The following MAGI1 variants were observed in gnomAD, a reference collection of about 807,000 sequenced individuals.
MAGI1 encodes the protein membrane-associated guanylate kinase, WW and PDZ domain-containing protein 1.
MAGI1 carries 58 observed loss-of-function variants against 139.9 expected under a neutral mutation model. That is an observed-to-expected ratio of 0.41 (90% CI 0.34 to 0.52). The LOEUF (loss-of-function observed/expected upper bound fraction) is 0.52, where lower values mean the gene tolerates loss of function less well. Ranked by LOEUF, MAGI1 falls within the 20% of genes least tolerant of loss-of-function variation. MAGI1 has a pLI of 0.12. For missense variants in MAGI1, 1,874 were observed against 1,901.6 expected, an observed-to-expected ratio of 0.99 and a Z score of 0.27; for synonymous variants, 812 against 737.9, an observed-to-expected ratio of 1.10 and a Z score of -1.63.
At chr3:65,445,391 A>G (rs1948615135) in intron 7 of MAGI1, among the ~76,000 whole-genome samples, 2 of 152,206 alleles carry the variant, frequency 1.3e-5, no homozygotes, top group Non-Finnish European at 2.9e-5. Context: ...AAGGAATAGG[A>G]CAGATGTCTG....
intron 1 of MAGI1, among the ~76,000 whole-genome samples, chr3:65,865,567 G>A (rs1559956922): frequency 7.2e-6 from 1 of 139,128 alleles, no homozygotes. Context: ...TGCAATCCAG[G>A]CCTGGGTGAC....
chr3:65,862,731 T>TGCAGATGGCAGAGCC (rs1199003282), intron 1 of MAGI1, among the ~76,000 whole-genome samples: 2 of 152,204 alleles, frequency 1.3e-5, no homozygotes, highest in Non-Finnish European at 2.9e-5. Flanking sequence ...AACCACATGC[T>TGCAGATGGCAGAGCC]GCAGATGGCA....
intron 1 of MAGI1, among the ~76,000 whole-genome samples, chr3:65,948,137 T>C (rs967117290): frequency 2.0e-5 from 3 of 151,144 alleles, no homozygotes; most frequent in Non-Finnish European, 2.9e-5. Flanking sequence ...AGAGACGGGG[T>C]TTCACCATGT....
At chr3:65,984,513 T>TGTGTGTGTGTGTGC (rs2065770718) in intron 1 of MAGI1, among the ~76,000 whole-genome samples, 2 of 8,796 alleles carry the variant, frequency 2.3e-4, no homozygotes, top group Admixed American at 4.0e-3. Context: ...CAAAATAAAA[T>TGTGTGTGTGTGTGC]GTGTGTGTGT....
In MAGI1 at chr3:65,687,972, A is replaced by G; in HGVS notation, c.314-65884T>C. 2.5e-6 allele frequency: 2 copies of G among 799,512 alleles called. 1 individual carries two copies. The highest frequency in any genetic ancestry group is 4.8e-4 in the Middle Eastern group (2 of 4,194). 49.5% of individuals were successfully genotyped at this position (799,512 alleles called of 1,614,324 possible). The stretch of plus-strand genomic sequence containing the variant: ...CTCTCAGTTCACAGTTAAAGTTATC[A>G]TCAGACTACTGAAGGACTTGAGGGT... On this transcript the variant is annotated intron_variant, in intron 1 of 22. Coordinates refer to ENST00000402939, the MANE Select transcript of MAGI1 (RefSeq NM_001033057.2).
chr3:65,622,048 C>T lies in MAGI1; in HGVS notation c.354G>A (p.Gln118=), dbSNP rs756356569. The change falls in exon 2 of 23, where the codon CAG becomes CAA. Residue 118 remains glutamine, a synonymous_variant. Transcript: ENST00000402939. ...LNKDLRHFLN[Q]RFQKGSPDHE... is the part of the protein sequence containing the mutation. ...GATCAGGAGACCCCTTCTGGAATCG[C>T]TGATTGAGAAAATGTCGCAGGTCCT... 1 of 1,614,064 alleles carries T rather than the reference C, an allele frequency of 6.2e-7. No homozygotes were observed. Among genetic ancestry groups the T allele is most frequent in the Non-Finnish European group, 8.5e-7 (1 of 1,179,994 alleles).
Position 65,747,702 on chromosome 3 carries a change from C to G in MAGI1, c.314-125614G>C, listed in dbSNP as rs559642011. ...TGGTAACAAATGTCCCACAATAATG[C>G]AAGATGTTAAGAAGAGAAACTGCGG... On this transcript the variant is annotated intron_variant, in intron 1 of 22. Coordinates refer to ENST00000402939, the MANE Select transcript of MAGI1 (RefSeq NM_001033057.2). Among the ~76,000 whole-genome samples the G allele has an allele frequency of 2.0e-5, 3 of 152,182 alleles. 1 individual carries two copies. The highest frequency in any genetic ancestry group is 6.5e-5 in the Admixed American group (1 of 15,286).
At chr3:65,372,442 G>C (rs1453821242) in intron 18 of MAGI1, among the ~76,000 whole-genome samples, 1 of 152,166 alleles carries the variant, frequency 6.6e-6, no homozygotes. Flanking sequence ...CTAGAGCACA[G>C]GCAGAGTACA....
chr3:65,732,552 G>A (rs1415842415), intron 1 of MAGI1, among the ~76,000 whole-genome samples: 1 of 152,208 alleles, frequency 6.6e-6, no homozygotes, highest in Non-Finnish European at 1.5e-5. Context: ...CAACAGTAAA[G>A]AAGAAAGACT....
intron 2 of MAGI1, among the ~76,000 whole-genome samples, chr3:65,615,961 T>C (rs1392993310): frequency 1.3e-5 from 2 of 152,238 alleles, no homozygotes; most frequent in East Asian, 3.8e-4. Context: ...GTACACAGTT[T>C]GTGCTAAACA....
intron 14 of MAGI1, among the ~76,000 whole-genome samples, chr3:65,390,748 T>C (rs1183403249): frequency 6.6e-6 from 1 of 152,224 alleles, no homozygotes; most frequent in Non-Finnish European, 1.5e-5. Context: ...GCATTTAATT[T>C]CTTCTCATTA....
chr3:65,833,231 A>T (rs2042623020), intron 1 of MAGI1, among the ~76,000 whole-genome samples: 2 of 151,876 alleles, frequency 1.3e-5, no homozygotes, highest in African/African-American at 4.8e-5. Flanking sequence ...AGATTCTCCT[A>T]CCTAAACCTC....
At chr3:65,813,446 T>C (rs1014962491) in intron 1 of MAGI1, among the ~76,000 whole-genome samples, 1 of 152,072 alleles carries the variant, frequency 6.6e-6, no homozygotes, top group Non-Finnish European at 1.5e-5. Flanking sequence ...AAATGACCAT[T>C]AAGAAACAAA....
At chr3:65,371,237 G>A (rs1277320574) in intron 18 of MAGI1, among the ~76,000 whole-genome samples, 3 of 152,088 alleles carry the variant, frequency 2.0e-5, no homozygotes, top group Admixed American at 6.6e-5. Context: ...AGCATACCTC[G>A]GAGATATCAC....
chr3:65,734,547 AAG>A (rs1307525736), intron 1 of MAGI1, among the ~76,000 whole-genome samples: 2 of 132,074 alleles, frequency 1.5e-5, no homozygotes, highest in Admixed American at 7.6e-5. Context: ...GAGAGAGAGA[AAG>A]AGAGAAAGAA....
chr3:65,445,615 C>G (rs1948627540), intron 7 of MAGI1, among the ~76,000 whole-genome samples: 1 of 152,140 alleles, frequency 6.6e-6, no homozygotes, highest in African/African-American at 2.4e-5. Flanking sequence ...GCTCTATCTC[C>G]CCTAGTTGGT....
intron 1 of MAGI1, among the ~76,000 whole-genome samples, chr3:65,804,629 A>G (rs1281813543): frequency 6.6e-6 from 1 of 152,156 alleles, no homozygotes; most frequent in Non-Finnish European, 1.5e-5. Context: ...AGCAAGTGGC[A>G]ATGTAAACGG....
chr3:65,429,583 C>T lies in MAGI1; in HGVS notation c.2104G>A (p.Val702Met). The T allele has an allele frequency of 6.2e-7, 1 of 1,613,972 alleles. No homozygotes were observed. Among genetic ancestry groups the T allele is most frequent in the Non-Finnish European group, 8.5e-7 (1 of 1,179,910 alleles). The stretch of plus-strand genomic sequence containing the variant: ...GGACACTCAACCAGCATATCCACCA[C>T]TTGGTTGTGAGTTAGGGCCTGCACG... ...KNVQALTHNQ[V>M]VDMLVECPKG... The change falls in exon 12 of 23, where the codon GTG (valine) becomes ATG (methionine). Residue 702 changes from valine (V) to methionine (M), a missense_variant. Physicochemically the swap from Val to Met is conservative, Grantham distance 21. This residue lies in a region of MAGI1 where 482 missense variants were observed against 509.6 expected (regional missense o/e 0.95). Transcript: ENST00000402939.
chr3:65,435,148 C>T (rs1047671257), intron 10 of MAGI1, among the ~76,000 whole-genome samples: 2 of 152,072 alleles, frequency 1.3e-5, no homozygotes, highest in African/African-American at 4.8e-5. Flanking sequence ...GGTGTTTAAG[C>T]CACCTAGTCT....
Sources: allele counts gnomAD v4.1 joint callset (sites outside exome capture counted in the v4.1 genomes callset), GRCh38; gene constraint gnomAD v4.1.1; regional missense constraint gnomAD v4.1.1; transcripts MANE v1.5; gene names NCBI Gene and HGNC (gene_info 2026-07-23, HGNC 2026-07-21).